Variants in ACAT1 observed in about 807,000 individuals in gnomAD.
ACAT1 encodes the protein acetyl-CoA acetyltransferase 1, also known as acetyl-CoA acetyltransferase, mitochondrial.
In ACAT1, 28 loss-of-function variants were observed where a neutral mutation model predicts 47.3. The ratio of observed to expected loss-of-function variants is 0.59; its 90% CI spans 0.44 to 0.81. The LOEUF is 0.81. Ranked by LOEUF, ACAT1 falls within the 30% of genes least tolerant of loss-of-function variation. The pLI is 0.00. For synonymous variants in ACAT1, 181 were observed against 173.6 expected, an observed-to-expected ratio of 1.04 and a Z score of -0.34; for missense variants, 469 against 524.3, an observed-to-expected ratio of 0.89 and a Z score of 1.03.
intron 6 of ACAT1, 97 bp downstream of exon 6, chr11:108,139,138 C>A: frequency 6.8e-7 from 1 of 1,477,754 alleles, no homozygotes; most frequent in Non-Finnish European, 9.4e-7. Context: ...GAAAGATGGG[C>A]TCTATAAATG....
rs2077558895 is a variant in ACAT1 at position 108,140,203 on chromosome 11, G to C, written c.718G>C (p.Val240Leu). The change falls in exon 7 of 12, where the codon GTT (valine) becomes CTT (leucine). Residue 240 changes from valine to leucine, a missense_variant. Coordinates refer to ENST00000265838, the MANE Select transcript of ACAT1 (RefSeq NM_000019.4). ...KFGNEVIPVTVTVKGQPDVVV... is the reference protein window; with the variant it reads ...KFGNEVIPVTLTVKGQPDVVV... Reference sequence around the variant, plus strand: ...TGGAAATGAAGTTATTCCTGTCACAGTTACAGTAAAAGGTAGAGATAATGT... The same window carrying C: ...TGGAAATGAAGTTATTCCTGTCACACTTACAGTAAAAGGTAGAGATAATGT... 1 of 1,613,990 alleles carries C rather than the reference G, an allele frequency of 6.2e-7. No homozygotes were observed. Among genetic ancestry groups the C allele is most frequent in the African/African-American group, 1.3e-5 (1 of 74,926 alleles).
At chr11:108,138,856 A>G (rs1404488817) in intron 5 of ACAT1, 42 bp from the exon 6 acceptor site, 1 of 1,613,866 alleles carries the variant, frequency 6.2e-7, no homozygotes, top group East Asian at 2.2e-5. Flanking sequence ...GGTTTGCAAA[A>G]TATTTGTATT....
chr11:108,121,201 A>AG, upstream of ACAT1: 3 of 13,448 alleles, frequency 2.2e-4, no homozygotes, highest in South Asian at 8.8e-3. Context: ...ACCTTGTCTC[A>AG]AAAAAAAAAA....
chr11:108,134,938 C>A (rs1458165175), intron 4 of ACAT1, among the ~76,000 whole-genome samples: 3 of 97,402 alleles, frequency 3.1e-5, no homozygotes, highest in Non-Finnish European at 6.2e-5. Flanking sequence ...GAGTGAGACT[C>A]CGTCTCAAAA....
chr11:108,147,294 T>C lies in ACAT1; in HGVS notation c.1188T>C (p.Gly396=), dbSNP rs774301980. 1 of 1,613,964 alleles carries C rather than the reference T, an allele frequency of 6.2e-7. No individual in the cohort carries two copies. The highest frequency in any genetic ancestry group is 8.5e-7 in the Non-Finnish European group (1 of 1,179,918). ...GGATGTCTGGAGCCAGGATTGTTGG[T>C]CATTTGACTCATGCCTTGAAGCAAG... ...PIGMSGARIV[G]HLTHALKQGE... Residue 396 remains glycine, a synonymous_variant, in exon 12 of 12, where the codon GGT becomes GGC. Coordinates refer to ENST00000265838, the MANE Select transcript of ACAT1 (RefSeq NM_000019.4).
chr11:108,146,823 T>C (rs981171118), intron 11 of ACAT1, among the ~76,000 whole-genome samples: 1 of 152,238 alleles, frequency 6.6e-6, no homozygotes. Flanking sequence ...GGCTCACGCC[T>C]GTAATCCTAG....
intron 1 of ACAT1, among the ~76,000 whole-genome samples, chr11:108,127,146 G>A (rs760010842): frequency 2.0e-5 from 3 of 151,712 alleles, no homozygotes; most frequent in Non-Finnish European, 4.4e-5. Flanking sequence ...TGGAAATTGA[G>A]AGCTATGATT....
At chr11:108,138,191 T>C (rs1412699087) in intron 5 of ACAT1, among the ~76,000 whole-genome samples, 1 of 151,826 alleles carries the variant, frequency 6.6e-6, no homozygotes, top group Non-Finnish European at 1.5e-5. Context: ...GTTTCACTGT[T>C]AGCCAGGATG....
chr11:108,121,774 C>G, intron 1 of ACAT1, 96 bp downstream of exon 1: 1 of 1,420,050 alleles, frequency 7.0e-7, no homozygotes, highest in Non-Finnish European at 9.6e-7. Flanking sequence ...CTCCCGCGGC[C>G]CGGGCGCGCG....
At chr11:108,145,698 G>C (rs551869188) in intron 10 of ACAT1, among the ~76,000 whole-genome samples, 4 of 151,962 alleles carry the variant, frequency 2.6e-5, no homozygotes, top group Non-Finnish European at 1.5e-5. Flanking sequence ...TGTCAAAACA[G>C]ACATAATGCA....
intron 5 of ACAT1, chr11:108,136,502 G>A (rs1340170178): frequency 6.0e-6 from 1 of 166,854 alleles, no homozygotes; most frequent in Non-Finnish European, 1.3e-5. Context: ...TTTAGTTTCA[G>A]AACTGTTTGT....
rs560651859 is a variant in ACAT1, at chr11:108,137,574, T to C, written c.436-1324T>C. Among the ~76,000 whole-genome samples the C allele has an allele frequency of 7.7e-4, 117 of 152,290 alleles. 1 individual carries two copies. The highest frequency in any genetic ancestry group is 2.6e-3 in the African/African-American group (110 of 41,558). On this transcript the variant is annotated intron_variant, in intron 5 of 11. Transcript: ENST00000265838. ...AGTCAAGGAAGTATGATTATTTTCA[T>C]GAACTGAGATTACTTCTAATCTTCT...
chr11:108,139,253 G>A lies in ACAT1; in HGVS notation c.579+212G>A, dbSNP rs961694995. On this transcript the variant is annotated intron_variant, in intron 6 of 11. Coordinates refer to ENST00000265838, the MANE Select transcript of ACAT1 (RefSeq NM_000019.4). ...CCCACATTTAAATAGGGTAATTTCT[G>A]ACGCTTAGCTGGCAACTGCTTGGCT... The A allele has an allele frequency of 8.5e-6, 5 of 588,630 alleles. No homozygotes were observed. The Admixed American group carries it at 1.4e-4, about 17-fold the overall frequency. The allele number at this position is 588,630 out of a possible 1,614,324, so 36.5% of individuals were successfully genotyped here. A position where few individuals can be genotyped will look rare whatever the true frequency, so the allele number is the denominator to read the frequency against.
chr11:108,133,521 TAC>T (rs1267123399), intron 2 of ACAT1, among the ~76,000 whole-genome samples: 2 of 152,050 alleles, frequency 1.3e-5, no homozygotes, highest in African/African-American at 4.8e-5. Context: ...AAAAACAAGG[TAC>T]AGTGATCATT....
At chr11:108,120,767 A>G (rs999543770), upstream of ACAT1, among the ~76,000 whole-genome samples, 1 of 152,088 alleles carries the variant, frequency 6.6e-6, no homozygotes, top group African/African-American at 2.4e-5. Flanking sequence ...TTGCTTCAAA[A>G]TATTTTCACG....
intron 10 of ACAT1, among the ~76,000 whole-genome samples, chr11:108,144,513 T>A (rs2077662691): frequency 6.6e-6 from 1 of 152,110 alleles, no homozygotes; most frequent in Non-Finnish European, 1.5e-5. Flanking sequence ...GCTATCCAAG[T>A]CTCAGTGGGA....
At chr11:108,129,141 G>A (rs1317789417) in intron 1 of ACAT1, 1 of 152,082 alleles carries the variant, frequency 6.6e-6, no homozygotes, top group East Asian at 1.9e-4. Flanking sequence ...AAGCTGTTTG[G>A]TGTTTCCATT....
chr11:108,123,668 CT>C (rs1252777029), intron 1 of ACAT1, among the ~76,000 whole-genome samples: 3 of 152,064 alleles, frequency 2.0e-5, no homozygotes, highest in Admixed American at 6.6e-5. Context: ...CAGTGATTTC[CT>C]TTTTCTTTGT....
intron 1 of ACAT1, among the ~76,000 whole-genome samples, chr11:108,123,201 G>T (rs1565282130): frequency 6.6e-6 from 1 of 151,970 alleles, no homozygotes; most frequent in Non-Finnish European, 1.5e-5. Context: ...TCATGCCACT[G>T]CACTCCAGCC....
Sources: gnomAD v4.1 joint callset for allele counts (sites outside exome capture counted in the v4.1 genomes callset) on GRCh38, gnomAD v4.1.1 for gene constraint, MANE v1.5 for transcripts, NCBI Gene and HGNC (gene_info 2026-07-23, HGNC 2026-07-21) for gene names.